The following DNM3 variants were observed in gnomAD, a reference collection of about 807,000 sequenced individuals.
The protein encoded by DNM3 is dynamin 3.
In DNM3, 47 loss-of-function variants were observed where a neutral mutation model predicts 101.6. That is an observed-to-expected ratio of 0.46 (90% confidence interval 0.37 to 0.59). DNM3 has a LOEUF of 0.59. Among genes scored for constraint, DNM3 ranks in the 20% least tolerant of loss-of-function variants. DNM3 has a pLI of 0.00. For synonymous variants in DNM3, 385 were observed against 387.9 expected, an observed-to-expected ratio of 0.99 and a Z score of 0.09; for missense variants, 849 against 1,085.7, an observed-to-expected ratio of 0.78 and a Z score of 3.06.
chr1:171,986,479 C>T (rs1051215689), intron 2 of DNM3, among the ~76,000 whole-genome samples: 9 of 152,076 alleles, frequency 5.9e-5, no homozygotes, highest in African/African-American at 1.5e-4. Context: ...TAAATCTAAC[C>T]CTTGTTGATC....
chr1:172,181,423 G>T (rs1333463079), intron 14 of DNM3, among the ~76,000 whole-genome samples: 1 of 147,328 alleles, frequency 6.8e-6, no homozygotes, highest in Non-Finnish European at 1.5e-5. Flanking sequence ...CATATTTCTG[G>T]TAGGCGTGGA....
Position 172,410,678 on chromosome 1 carries a change from A to G in DNM3, c.*2837A>G, listed in dbSNP as rs1461722353. On this transcript the variant is annotated 3_prime_UTR_variant, in exon 21 of 21. Coordinates refer to ENST00000627582, the MANE Select transcript of DNM3 (RefSeq NM_015569.5). Reference sequence around the variant, plus strand: ...TGCTTTTAGCCGTGTTTTATAACATAGACGAGCAGTAGGGTCTGTTTATTA... The same window carrying G: ...TGCTTTTAGCCGTGTTTTATAACATGGACGAGCAGTAGGGTCTGTTTATTA... 1.0e-6 allele frequency: 1 copy of G among 985,342 alleles called. No individual in the cohort carries two copies. The highest frequency in any genetic ancestry group is 1.2e-6 in the Non-Finnish European group (1 of 829,844). The allele number at this position is 985,342 out of a possible 1,614,324, so 61.0% of individuals were successfully genotyped here.
At chr1:172,100,840 C>T (rs777227343) in intron 13 of DNM3, among the ~76,000 whole-genome samples, 2 of 152,226 alleles carry the variant, frequency 1.3e-5, no homozygotes, top group South Asian at 4.2e-4. Context: ...CTTGCCCCAA[C>T]GGACTGCAAG....
intron 13 of DNM3, among the ~76,000 whole-genome samples, chr1:172,118,914 A>G (rs146737033): frequency 0.017 from 2,548 of 151,952 alleles, 43 homozygotes; most frequent in Non-Finnish European, 0.026. Context: ...CACAGAAGGG[A>G]GCCTTTGGTA....
At chr1:172,194,851 G>T (rs1198266781) in intron 14 of DNM3, among the ~76,000 whole-genome samples, 1 of 151,972 alleles carries the variant, frequency 6.6e-6, no homozygotes, top group Admixed American at 6.6e-5. Context: ...GGAGTCTTTA[G>T]CCCATTTACA....
chr1:172,062,048 C>G (rs2051271308), intron 10 of DNM3, among the ~76,000 whole-genome samples: 1 of 152,048 alleles, frequency 6.6e-6, no homozygotes, highest in Admixed American at 6.6e-5. Context: ...AGGCCTGGGA[C>G]TTGGTTTTAA....
At chr1:172,192,911 C>G (rs1177639588) in intron 14 of DNM3, among the ~76,000 whole-genome samples, 1 of 151,130 alleles carries the variant, frequency 6.6e-6, no homozygotes, top group Non-Finnish European at 1.5e-5. Flanking sequence ...ATGGCTGGGT[C>G]AAATGGTATT....
chr1:172,131,170 C>T lies in DNM3; in HGVS notation c.1546-5C>T, dbSNP rs200196425. The T allele has an allele frequency of 4.5e-5, 73 of 1,612,774 alleles. No homozygotes were observed. In the Middle Eastern group the frequency reaches 5.0e-4, roughly 11 times the overall value. The stretch of plus-strand genomic sequence containing the variant: ...ACACCTCTGCTGATTTCTGCTTTTT[C>T]GTAGGTGATTCGCAAGGGGTGGCTC... On this transcript the variant is annotated splice_polypyrimidine_tract_variant and splice_region_variant and intron_variant, in intron 13 of 20. Coordinates refer to ENST00000627582, the MANE Select transcript of DNM3 (RefSeq NM_015569.5).
intron 2 of DNM3, chr1:171,970,085 G>A (rs989635132): frequency 4.9e-6 from 1 of 202,910 alleles, no homozygotes; most frequent in East Asian, 1.9e-4. Flanking sequence ...ATAAAGATAA[G>A]CACTTATTCT....
At chr1:172,323,206 A>G in intron 16 of DNM3, 123 bp from the exon 17 acceptor site, 1 of 1,032,934 alleles carries the variant, frequency 9.7e-7, no homozygotes. Flanking sequence ...TCACTCTAGC[A>G]AGAAAAACCT....
intron 15 of DNM3, among the ~76,000 whole-genome samples, chr1:172,280,367 C>G (rs575643764): frequency 1.3e-5 from 2 of 152,054 alleles, no homozygotes; most frequent in Non-Finnish European, 2.9e-5. Flanking sequence ...TCAGTGAAGG[C>G]AAAAATTTAA....
intron 14 of DNM3, among the ~76,000 whole-genome samples, chr1:172,197,208 A>G (rs2059986073): frequency 6.6e-6 from 1 of 152,026 alleles, no homozygotes; most frequent in Admixed American, 6.6e-5. Flanking sequence ...GTCGAAGATC[A>G]GATTGTTATA....
intron 1 of DNM3, among the ~76,000 whole-genome samples, chr1:171,915,286 T>C (rs1168991899): frequency 1.3e-5 from 2 of 152,218 alleles, no homozygotes; most frequent in African/African-American, 2.4e-5. Flanking sequence ...ATTCAGTGAT[T>C]TAAAGTCTGG....
intron 14 of DNM3, among the ~76,000 whole-genome samples, chr1:172,198,094 T>G (rs78470997): frequency 0.07 from 10,584 of 152,220 alleles, 447 homozygotes; most frequent in East Asian, 0.13. Flanking sequence ...AATGCCTAGT[T>G]TATTGAGAGT....
At chr1:172,389,851 G>A (rs562134621) in intron 20 of DNM3, among the ~76,000 whole-genome samples, 22 of 152,278 alleles carry the variant, frequency 1.4e-4, no homozygotes, top group African/African-American at 5.3e-4. Context: ...GAGAAGAAGG[G>A]GGATCTTAAG....
intron 2 of DNM3, among the ~76,000 whole-genome samples, chr1:171,964,833 G>A (rs2043457504): frequency 6.6e-6 from 1 of 151,062 alleles, no homozygotes; most frequent in Admixed American, 6.6e-5. Flanking sequence ...TCCCCTCAGT[G>A]ATTTCTCTTC....
intron 2 of DNM3, among the ~76,000 whole-genome samples, chr1:171,933,171 G>A (rs978604913): frequency 2.0e-5 from 3 of 152,088 alleles, no homozygotes; most frequent in African/African-American, 4.8e-5. Context: ...CTGAAAACTG[G>A]GCTAATTTAT....
At chr1:172,023,281 T>G (rs2047970882) in intron 4 of DNM3, among the ~76,000 whole-genome samples, 1 of 152,184 alleles carries the variant, frequency 6.6e-6, no homozygotes, top group African/African-American at 2.4e-5. Context: ...TTCCTGGATC[T>G]CATGTCTTCC....
At chr1:172,199,557 T>C (rs116438100) in intron 14 of DNM3, among the ~76,000 whole-genome samples, 1 of 152,142 alleles carries the variant, frequency 6.6e-6, no homozygotes, top group Non-Finnish European at 1.5e-5. Context: ...TCTTTGTAAG[T>C]CTCTAAGAAC....
Sources: allele counts gnomAD v4.1 joint callset (sites outside exome capture counted in the v4.1 genomes callset), GRCh38; gene constraint gnomAD v4.1.1; transcripts MANE v1.5; gene names NCBI Gene and HGNC (gene_info 2026-07-23, HGNC 2026-07-21).